Variants in TNIK observed in about 807,000 individuals in gnomAD.
TNIK encodes TRAF2 and NCK interacting kinase, also known as TRAF2 and NCK-interacting protein kinase.
In TNIK, 49 loss-of-function variants were observed where a neutral mutation model predicts 191.3. That is an observed-to-expected ratio of 0.26 (90% CI 0.20 to 0.32). TNIK has a LOEUF of 0.32. TNIK is among the 10% of genes least tolerant of loss of function. The pLI is 1.00. For synonymous variants in TNIK, 594 were observed against 600.9 expected (o/e 0.99, Z 0.17); for missense variants, 1,155 against 1,702.3 (o/e 0.68, Z 5.66).
chr3:171,247,123 C>T (rs1048923092), intron 2 of TNIK, among the ~76,000 whole-genome samples: 12 of 152,278 alleles, frequency 7.9e-5, no homozygotes, highest in South Asian at 4.1e-4. Flanking sequence ...GTAAGGAGTA[C>T]GATGTTAAAG....
chr3:171,272,824 C>G (rs759472120), intron 2 of TNIK, among the ~76,000 whole-genome samples: 14 of 152,172 alleles, frequency 9.2e-5, no homozygotes, highest in Admixed American at 6.5e-5. Context: ...TCAGGCAGTT[C>G]ATATATCTCC....
chr3:171,197,527 A>G (rs1423047277), intron 4 of TNIK, among the ~76,000 whole-genome samples: 2 of 152,240 alleles, frequency 1.3e-5, no homozygotes, highest in African/African-American at 4.8e-5. Context: ...TACTATCCAG[A>G]ATATATAAAG....
At chr3:171,271,661 C>A (rs1014995985) in intron 2 of TNIK, among the ~76,000 whole-genome samples, 2 of 152,142 alleles carry the variant, frequency 1.3e-5, no homozygotes, top group Non-Finnish European at 2.9e-5. Context: ...ACTGTTTTGA[C>A]TTTTGTTATT....
chr3:171,190,870 A>G, intron 5 of TNIK, 83 bp from the exon 6 acceptor site: 1 of 1,015,784 alleles, frequency 9.8e-7, no homozygotes, highest in East Asian at 2.6e-5. Context: ...AAGGATCCAA[A>G]AACTTTACAC....
rs569030810 is a variant in TNIK, at chr3:171,370,851, T to TA, written c.58-1167dup. On this transcript the variant is annotated intron_variant, in intron 1 of 32. Transcript: ENST00000436636. ...TTTTTTAAGTTTTAGGCACTTAATT[T>TA]AAAAAACATTCTTAGGAACAAATAA... Among the ~76,000 whole-genome samples the TA allele has an allele frequency of 3.3e-5, 5 of 152,338 alleles. No homozygotes were observed. The South Asian group carries it at 1.0e-3, about 32-fold the overall frequency.
intron 2 of TNIK, among the ~76,000 whole-genome samples, chr3:171,242,350 G>A (rs1015133055): frequency 1.3e-5 from 2 of 152,082 alleles, no homozygotes; most frequent in Non-Finnish European, 2.9e-5. Context: ...TGTGAAATAG[G>A]TGTAGGCATA....
intron 2 of TNIK, among the ~76,000 whole-genome samples, chr3:171,330,265 A>G (rs576772163): frequency 3.3e-5 from 5 of 152,350 alleles, no homozygotes; most frequent in Admixed American, 1.3e-4. Context: ...AAAATAGCTG[A>G]AAGAAAAAAA....
At chr3:171,136,397 C>T (rs1729979672) in intron 15 of TNIK, among the ~76,000 whole-genome samples, 1 of 152,196 alleles carries the variant, frequency 6.6e-6, no homozygotes, top group African/African-American at 2.4e-5. Flanking sequence ...ACTTTGGAGA[C>T]GTTGGGAGAA....
chr3:171,128,583 C>T, intron 16 of TNIK, 131 bp downstream of exon 16: 1 of 1,152,168 alleles, frequency 8.7e-7, no homozygotes, highest in Admixed American at 3.2e-5. Context: ...ACCTATTTTA[C>T]TATAAATTCT....
At chr3:171,187,293 A>T (rs1413580610) in intron 7 of TNIK, among the ~76,000 whole-genome samples, 1 of 152,196 alleles carries the variant, frequency 6.6e-6, no homozygotes, top group Admixed American at 6.5e-5. Context: ...TTAGCAGTTT[A>T]AAAAAATGAC....
chr3:171,119,489 T>C (rs1727315265), intron 18 of TNIK, among the ~76,000 whole-genome samples: 1 of 152,174 alleles, frequency 6.6e-6, no homozygotes, highest in African/African-American at 2.4e-5. Context: ...GCAGCACACA[T>C]GCACACGTAT....
intron 1 of TNIK, among the ~76,000 whole-genome samples, chr3:171,441,379 G>T (rs990891060): frequency 3.9e-5 from 6 of 152,174 alleles, no homozygotes; most frequent in African/African-American, 1.4e-4. Context: ...GCATTTTCTA[G>T]ACATTTCATA....
chr3:171,194,872 CT>C (rs1311833275), intron 4 of TNIK, among the ~76,000 whole-genome samples: 1 of 152,004 alleles, frequency 6.6e-6, no homozygotes, highest in Non-Finnish European at 1.5e-5. Flanking sequence ...ATTGAGGAAA[CT>C]CTCCATATTC....
chr3:171,134,900 G>T (rs779307149), intron 15 of TNIK, among the ~76,000 whole-genome samples: 3 of 152,090 alleles, frequency 2.0e-5, no homozygotes, highest in Non-Finnish European at 4.4e-5. Context: ...GGAAAAGTAA[G>T]CAAAGAAGAA....
chr3:171,373,155 C>G (rs1716752186), intron 1 of TNIK, among the ~76,000 whole-genome samples: 1 of 152,144 alleles, frequency 6.6e-6, no homozygotes, highest in African/African-American at 2.4e-5. Flanking sequence ...TTTCTCCATT[C>G]TAGAGTACCT....
chr3:171,203,081 T>A (rs1302051645), intron 4 of TNIK, among the ~76,000 whole-genome samples: 10 of 152,168 alleles, frequency 6.6e-5, no homozygotes, highest in African/African-American at 2.4e-4. Context: ...GTGGTTAATT[T>A]TTTTTTTTTC....
chr3:171,138,371 C>T lies in TNIK; in HGVS notation c.1428G>A (p.Lys476=), dbSNP rs1383678136. 6.3e-7 allele frequency: 1 copy of T among 1,596,316 alleles called. No homozygotes were observed. The highest frequency in any genetic ancestry group is 8.5e-7 in the Non-Finnish European group (1 of 1,172,698). The change falls in exon 15 of 33, where the codon AAG becomes AAA. Residue 476 remains lysine (K), a synonymous_variant. Transcript: ENST00000436636. ...GTCTCTGTTCTTCCAATTGTTTGCG[C>T]TTATATTCCTGTCCAGATCAGGAAA... ...LHEQALLLEY[K]RKQLEEQRQA...
At chr3:171,260,758 C>T (rs905611075) in intron 2 of TNIK, among the ~76,000 whole-genome samples, 5 of 152,154 alleles carry the variant, frequency 3.3e-5, no homozygotes, top group Non-Finnish European at 5.9e-5. Context: ...AATGGGCTCA[C>T]ACAGCCCATT....
chr3:171,367,255 A>G (rs1715855172), intron 2 of TNIK, among the ~76,000 whole-genome samples: 2 of 152,270 alleles, frequency 1.3e-5, no homozygotes, highest in East Asian at 1.9e-4. Flanking sequence ...TTAGGCTCAC[A>G]TATCTTTTAG....
Sources: allele counts gnomAD v4.1 joint callset (sites outside exome capture counted in the v4.1 genomes callset), GRCh38; gene constraint gnomAD v4.1.1; transcripts MANE v1.5; gene names NCBI Gene and HGNC (gene_info 2026-07-23, HGNC 2026-07-21).